P2RX5: variants seen among roughly 807,000 people sequenced by gnomAD.
P2RX5 encodes the protein purinergic receptor P2X 5.
P2RX5 carries 46 observed loss-of-function variants against 54.1 expected under a neutral mutation model. The ratio of observed to expected loss-of-function variants is 0.85; its 90% CI spans 0.67 to 1.09. P2RX5 has a LOEUF of 1.09. P2RX5 is among the 50% of genes least tolerant of loss of function. The probability of loss-of-function intolerance (pLI) is 0.00; values close to 1 mark genes in which losing one functional copy is unlikely to be tolerated. For synonymous variants in P2RX5, 226 were observed against 226.4 expected (o/e 1.00, Z 0.02); for missense variants, 566 against 549.8 (o/e 1.03, Z -0.29).
the P2RX5 span, chr17:3,716,558 A>G: frequency 1.5e-6 from 1 of 662,676 alleles, no homozygotes; most frequent in South Asian, 1.8e-5. Flanking sequence ...TGTGCAGTTG[A>G]AGGAGGAGAA....
At chr17:3,711,990 C>T in the P2RX5 span, among the ~76,000 whole-genome samples, 5 of 103,482 alleles carry the variant, frequency 4.8e-5, no homozygotes, top group African/African-American at 1.8e-4. Context: ...TGGATCAGCA[C>T]GACTCAGTAA....
Position 3,679,618 on chromosome 17 carries a change from C to G in P2RX5, c.1231G>C (p.Val411Leu). 2 of 1,608,548 alleles carry G rather than the reference C, an allele frequency of 1.2e-6. No homozygotes were observed. The highest frequency in any genetic ancestry group is 1.7e-6 in the Non-Finnish European group (2 of 1,179,836). ...TGGGGCTCCAGGAGCTGTGGGCACA[C>G]AGATCCGTTCCCCTTCTGACTGCTG... ...GSSSQKGNGSVCPQLLEPHRS... is the reference protein window; with the variant it reads ...GSSSQKGNGSLCPQLLEPHRS... The change falls in exon 11 of 12, where the codon GTG becomes CTG. Residue 411 changes from valine (V) to leucine (L), a missense_variant. Coordinates refer to ENST00000225328, the MANE Select transcript of P2RX5 (RefSeq NM_002561.4).
At chr17:3,695,352 G>A (rs1416575125) in intron 1 of P2RX5, among the ~76,000 whole-genome samples, 1 of 152,186 alleles carries the variant, frequency 6.6e-6, no homozygotes, top group Non-Finnish European at 1.5e-5. Context: ...CAGAGAGGCT[G>A]GCCGCGGGTG....
intron 6 of P2RX5, among the ~76,000 whole-genome samples, chr17:3,689,834 ACACACACGCACACACGCGTG>A (rs2050552678): frequency 6.6e-6 from 1 of 152,156 alleles, no homozygotes; most frequent in Non-Finnish European, 1.5e-5. Context: ...CAGACATCAC[ACACACACGCACACACGCGTG>A]CACGCACGCA....
chr17:3,681,337 C>T (rs1042391003), intron 10 of P2RX5, among the ~76,000 whole-genome samples: 10 of 152,238 alleles, frequency 6.6e-5, no homozygotes, highest in South Asian at 2.1e-4. Flanking sequence ...CCCCAAAGGC[C>T]GAAGCCACAG....
chr17:3,690,234 C>T, intron 5 of P2RX5, 84 bp from the exon 6 acceptor site: 1 of 1,340,580 alleles, frequency 7.5e-7, no homozygotes, highest in Non-Finnish European at 1.1e-6. Context: ...GAGGCCTGTT[C>T]CTTGGGTCCC....
upstream of P2RX5, among the ~76,000 whole-genome samples, chr17:3,699,874 A>AAAGGAAGGAAGGAAGG (rs771611154): frequency 2.3e-5 from 1 of 42,770 alleles, no homozygotes; most frequent in Admixed American, 2.6e-4. Flanking sequence ...AGAAAGAAAG[A>AAAGGAAGGAAGGAAGG]AAGGAAGGAA....
At chr17:3,701,244 T>C in the P2RX5 span, among the ~76,000 whole-genome samples, 3 of 152,238 alleles carry the variant, frequency 2.0e-5, no homozygotes, top group African/African-American at 4.8e-5. Context: ...TTTTTTGTTT[T>C]TTTTAGCTCA....
At position 3,689,772 on chromosome 17, in the gene P2RX5, G is replaced by A. The variant is rs1597266431; in HGVS notation, c.615-142C>T. ...CCCACTTTACAGCAGGGGAAGGGGC[G>A]CCCCAGCACCACCCACCGTTTATTC... On this transcript the variant is annotated intron_variant, in intron 6 of 11. Transcript: ENST00000225328. The A allele has an allele frequency of 1.1e-5, 12 of 1,069,462 alleles. No homozygotes were observed. In the South Asian group the frequency reaches 1.2e-4, roughly 10 times the overall value. The allele number at this position is 1,069,462 out of a possible 1,614,324, so 66.2% of individuals were successfully genotyped here.
At chr17:3,689,682 C>G (rs373165582) in intron 6 of P2RX5, 52 bp from the exon 7 acceptor site, 7 of 1,611,554 alleles carry the variant, frequency 4.3e-6, no homozygotes, top group Non-Finnish European at 5.9e-6. Context: ...TGATGTTTCC[C>G]GGCCTGGCCA....
chr17:3,681,245 T>C (rs2050271377), intron 10 of P2RX5, among the ~76,000 whole-genome samples: 2 of 152,180 alleles, frequency 1.3e-5, no homozygotes, highest in African/African-American at 2.4e-5. Context: ...GCACCCACTG[T>C]CCCAGGCTGT....
At position 3,688,088 on chromosome 17, in the gene P2RX5, C is replaced by G. The variant is rs372596475; in HGVS notation, c.905G>C (p.Arg302Pro). 5 of 1,602,836 alleles carry G rather than the reference C, an allele frequency of 3.1e-6. No homozygotes were observed. The highest frequency in any genetic ancestry group is 4.3e-6 in the Non-Finnish European group (5 of 1,173,378). ...GYNFRFARYY[R>P]DAAGVEFRTL... ...GCGGAACTCCACCCCGGCTGCGTCT[C>G]GGTAATATCTGGCAAATCTGAGGGA... is the stretch of plus-strand genomic sequence containing the variant. The change falls in exon 9 of 12, where the codon CGA becomes CCA. Residue 302 changes from arginine to proline, a missense_variant. By Grantham distance (103) the Arg-to-Pro change is moderately radical (BLOSUM62 -2). Transcript: ENST00000225328.
chr17:3,712,232 A>G, the P2RX5 span, among the ~76,000 whole-genome samples: 54 of 152,308 alleles, frequency 3.5e-4, 1 homozygote, highest in South Asian at 0.011. Flanking sequence ...GCATTGGAAA[A>G]CAGAGAACAA....
the P2RX5 span, among the ~76,000 whole-genome samples, chr17:3,715,096 G>A: frequency 6.6e-6 from 1 of 151,936 alleles, no homozygotes. Context: ...ATCTCTCCTG[G>A]AGAGTCCAAT....
upstream of P2RX5, among the ~76,000 whole-genome samples, chr17:3,700,362 C>T (rs1597281099): frequency 2.6e-5 from 4 of 151,994 alleles, no homozygotes; most frequent in Admixed American, 2.6e-4. Flanking sequence ...GTGAAACCCC[C>T]TCTCTATGAA....
intron 6 of P2RX5, 146 bp from the exon 7 acceptor site, chr17:3,689,776 C>G: frequency 9.7e-7 from 1 of 1,027,522 alleles, no homozygotes; most frequent in Non-Finnish European, 1.5e-6. Flanking sequence ...AGGGGCGCCC[C>G]AGCACCACCC....
the P2RX5 span, chr17:3,720,337 C>T: frequency 1.3e-6 from 2 of 1,589,070 alleles, no homozygotes; most frequent in Admixed American, 1.7e-5. Flanking sequence ...CATTCAGTCC[C>T]TCATATAGAG....
the P2RX5 span, chr17:3,720,354 T>C: frequency 6.3e-7 from 1 of 1,591,170 alleles, no homozygotes; most frequent in Non-Finnish European, 8.6e-7. Context: ...AGAGATTTGT[T>C]GAAAGATATT....
chr17:3,710,839 A>G, the P2RX5 span, among the ~76,000 whole-genome samples: 2 of 152,110 alleles, frequency 1.3e-5, no homozygotes, highest in Non-Finnish European at 2.9e-5. Flanking sequence ...GAGGCATGAG[A>G]ATCGATTGAA....
Sources: gnomAD v4.1 joint callset for allele counts (sites outside exome capture counted in the v4.1 genomes callset) on GRCh38, gnomAD v4.1.1 for gene constraint, MANE v1.5 for transcripts, NCBI Gene and HGNC (gene_info 2026-07-23, HGNC 2026-07-21) for gene names.